Variants in PCDH15 observed in about 807,000 individuals in gnomAD.
The protein encoded by PCDH15 is protocadherin related 15.
PCDH15 carries 129 observed loss-of-function variants against 178.5 expected under a neutral mutation model. The observed-to-expected ratio is 0.72, with a 90% CI of 0.63 to 0.84. The LOEUF (loss-of-function observed/expected upper bound fraction) is 0.84. Ranked by LOEUF, PCDH15 falls within the 40% of genes least tolerant of loss-of-function variation. The pLI, the probability that PCDH15 is intolerant of heterozygous loss-of-function variation, is 0.00. For missense variants in PCDH15, 2,230 were observed against 2,099.9 expected (o/e 1.06, Z -1.21); for synonymous variants, 800 against 732.0 (o/e 1.09, Z -1.50).
intron 25 of PCDH15, among the ~76,000 whole-genome samples, chr10:53,922,946 G>A (rs2084128990): frequency 6.6e-6 from 1 of 152,060 alleles, no homozygotes; most frequent in Admixed American, 6.5e-5. Flanking sequence ...AATAAGCCGG[G>A]CATGGTGGCG....
intron 3 of PCDH15, among the ~76,000 whole-genome samples, chr10:54,442,493 T>G (rs2075889854): frequency 7.4e-6 from 1 of 134,740 alleles, no homozygotes; most frequent in Non-Finnish European, 1.6e-5. Flanking sequence ...TACTATTTTG[T>G]TTTTTTTAAA....
At chr10:53,823,087 C>G in intron 32 of PCDH15, 1 of 1,613,894 alleles carries the variant, frequency 6.2e-7, no homozygotes, top group Non-Finnish European at 8.5e-7. Context: ...TCTACAAAAT[C>G]TGTTCTCTGT....
chr10:54,910,785 T>C (rs1954802698), intron 2 of PCDH15, among the ~76,000 whole-genome samples: 1 of 152,186 alleles, frequency 6.6e-6, no homozygotes, highest in South Asian at 2.1e-4. Flanking sequence ...ATTTGTTGAA[T>C]AAATAAATAA....
At chr10:55,390,422 C>T (rs1195295000) in intron 2 of PCDH15, among the ~76,000 whole-genome samples, 1 of 152,164 alleles carries the variant, frequency 6.6e-6, no homozygotes, top group African/African-American at 2.4e-5. Context: ...TTGAGTATTC[C>T]TTTCACAAAA....
chr10:53,830,327 A>T (rs2076944921), intron 30 of PCDH15, among the ~76,000 whole-genome samples: 1 of 151,992 alleles, frequency 6.6e-6, no homozygotes, highest in Non-Finnish European at 1.5e-5. Flanking sequence ...AAAAGTAAAG[A>T]ATACATAAGA....
At chr10:54,093,955 T>C (rs974935670) in intron 15 of PCDH15, among the ~76,000 whole-genome samples, 2 of 152,194 alleles carry the variant, frequency 1.3e-5, no homozygotes, top group East Asian at 3.9e-4. Context: ...TGCTTATTTT[T>C]GATAAATCAA....
chr10:55,353,494 C>T (rs571771722), intron 2 of PCDH15, among the ~76,000 whole-genome samples: 1 of 151,932 alleles, frequency 6.6e-6, no homozygotes, highest in East Asian at 1.9e-4. Context: ...AGAAATTTTA[C>T]AGAAATTTTA....
chr10:53,995,399 G>C (rs887899651), intron 21 of PCDH15: 1 of 547,740 alleles, frequency 1.8e-6, no homozygotes, highest in Admixed American at 3.2e-5. Flanking sequence ...ATCATTGTTA[G>C]ATAAATTAGT....
intron 10 of PCDH15, among the ~76,000 whole-genome samples, chr10:54,208,894 G>A (rs141655058): frequency 2.0e-5 from 3 of 151,798 alleles, no homozygotes; most frequent in African/African-American, 7.2e-5. Flanking sequence ...TTTTTCTCTT[G>A]TCCTAACTCT....
At chr10:53,844,537 G>A (rs1186943368) in intron 28 of PCDH15, among the ~76,000 whole-genome samples, 2 of 151,666 alleles carry the variant, frequency 1.3e-5, no homozygotes, top group African/African-American at 4.8e-5. Context: ...AAACAGACAC[G>A]TACACCAATG....
intron 3 of PCDH15, among the ~76,000 whole-genome samples, chr10:54,523,457 T>C (rs2083080692): frequency 6.6e-6 from 1 of 152,168 alleles, no homozygotes; most frequent in South Asian, 2.1e-4. Flanking sequence ...CTGATATAAA[T>C]ATAAAATAAA....
intron 1 of PCDH15, among the ~76,000 whole-genome samples, chr10:54,718,400 A>G (rs1378558099): frequency 6.6e-6 from 1 of 152,126 alleles, no homozygotes; most frequent in Non-Finnish European, 1.5e-5. Context: ...TGCACAGTGC[A>G]TTGCTACTAA....
At chr10:55,286,881 A>G (rs1842884804) in intron 1 of PCDH15, among the ~76,000 whole-genome samples, 1 of 152,032 alleles carries the variant, frequency 6.6e-6, no homozygotes, top group African/African-American at 2.4e-5. Flanking sequence ...AGCCAAGTAC[A>G]GAGTTAATGG....
chr10:55,313,746 G>A (rs1843649875), intron 1 of PCDH15, among the ~76,000 whole-genome samples: 1 of 152,118 alleles, frequency 6.6e-6, no homozygotes, highest in South Asian at 2.1e-4. Flanking sequence ...CTGGGAAAGT[G>A]GAATAGAATA....
intron 3 of PCDH15, among the ~76,000 whole-genome samples, chr10:54,486,555 CCTTT>C (rs2079115118): frequency 6.6e-6 from 1 of 151,592 alleles, no homozygotes; most frequent in African/African-American, 2.4e-5. Context: ...GTTCATTCTT[CCTTT>C]CTTTCTTCCT....
chr10:54,843,105 C>T (rs1307721826), intron 3 of PCDH15, among the ~76,000 whole-genome samples: 1 of 151,918 alleles, frequency 6.6e-6, no homozygotes, highest in Non-Finnish European at 1.5e-5. Flanking sequence ...ATACCCTCAG[C>T]AGTATCTCAG....
intron 2 of PCDH15, among the ~76,000 whole-genome samples, chr10:55,056,686 G>T (rs1437416742): frequency 6.6e-6 from 1 of 151,022 alleles, no homozygotes; most frequent in African/African-American, 2.4e-5. Context: ...AGGCTGGAGT[G>T]TAATGGTGTG....
At chr10:55,133,613 A>T (rs936844590) in intron 2 of PCDH15, among the ~76,000 whole-genome samples, 8 of 152,066 alleles carry the variant, frequency 5.3e-5, no homozygotes, top group African/African-American at 9.7e-5. Context: ...CTCCTTTCAC[A>T]CAAGTTTAAT....
chr10:54,224,474 C>T (rs978718233), intron 9 of PCDH15, among the ~76,000 whole-genome samples: 1 of 152,100 alleles, frequency 6.6e-6, no homozygotes, highest in Non-Finnish European at 1.5e-5. Context: ...AAGCTTAATT[C>T]ATCTAAAAAT....
Sources: gnomAD v4.1 joint callset for allele counts (sites outside exome capture counted in the v4.1 genomes callset) on GRCh38, gnomAD v4.1.1 for gene constraint, MANE v1.5 for transcripts, NCBI Gene and HGNC (gene_info 2026-07-23, HGNC 2026-07-21) for gene names.